The following CYP4A11 variants were observed in gnomAD, a reference collection of about 807,000 sequenced individuals.
The protein encoded by CYP4A11 is cytochrome P450 family 4 subfamily A member 11.
In CYP4A11, 52 loss-of-function variants were observed where a neutral mutation model predicts 57.7. The ratio of observed to expected loss-of-function variants is 0.90; its 90% CI spans 0.72 to 1.14. CYP4A11 has a LOEUF of 1.14. CYP4A11 is among the 50% of genes most tolerant of loss of function. The pLI is 0.00. For missense variants in CYP4A11, 641 were observed against 642.1 expected, an observed-to-expected ratio of 1.00 and a Z score of 0.02; for synonymous variants, 228 against 247.1, an observed-to-expected ratio of 0.92 and a Z score of 0.72.
In CYP4A11 at chr1:46,930,271, C is replaced by T; in HGVS notation, c.1404G>A (p.Lys468=). The T allele has an allele frequency of 1.2e-6, 2 of 1,613,788 alleles. No homozygotes were observed. Among genetic ancestry groups the T allele is most frequent in the Non-Finnish European group, 1.7e-6 (2 of 1,179,846 alleles). The change falls in exon 12 of 12, where the codon AAG becomes AAA. Residue 468 remains lysine, a synonymous_variant. Coordinates refer to ENST00000310638, the MANE Select transcript of CYP4A11 (RefSeq NM_000778.4). ...IGKQFAMNEL[K]VATALTLLRF... The stretch of plus-strand genomic sequence containing the variant: ...GGAGCAGGGTCAGGGCCGTGGCCAC[C>T]TTCAGCTCGTTCATGGCAAATTGTT...
In CYP4A11 at chr1:46,930,111, G is replaced by T. The variant is rs1680921009; in HGVS notation, c.*4C>A. ...CAGGAAGACAGGACGGCAGGTGGAG[G>T]CCCTCAAAGCTGGTCCTTGTCTTCA... is the stretch of plus-strand genomic sequence containing the variant. On this transcript the variant is annotated 3_prime_UTR_variant, in exon 12 of 12. Transcript: ENST00000310638. 6.2e-7 allele frequency: 1 copy of T among 1,604,808 alleles called. No individual in the cohort carries two copies. Among genetic ancestry groups the T allele is most frequent in the Non-Finnish European group, 8.5e-7 (1 of 1,174,012 alleles).
intron 11 of CYP4A11, chr1:46,931,513 A>G (rs2148451432): frequency 1.2e-6 from 1 of 827,822 alleles, no homozygotes; most frequent in Non-Finnish European, 1.5e-6. Context: ...AGCTTAAGAA[A>G]TACTTCTATA....
At chr1:46,937,730 G>A (rs1307183156) in intron 2 of CYP4A11, among the ~76,000 whole-genome samples, 5 of 152,080 alleles carry the variant, frequency 3.3e-5, no homozygotes, top group Admixed American at 1.3e-4. Context: ...ACAGATCTGG[G>A]ACAATTTACA....
In CYP4A11 at chr1:46,938,038, G is replaced by A. The variant is rs1369984550; in HGVS notation, c.295C>T (p.Leu99Phe). ...WLWGGKVRVQ[L>F]YDPDYMKVIL... Reference sequence around the variant, plus strand: ...ACCTTCATATAGTCAGGGTCATAGAGCTGGACACGAACTTTGCCTCCCCAT... The same window carrying A: ...ACCTTCATATAGTCAGGGTCATAGAACTGGACACGAACTTTGCCTCCCCAT... The change falls in exon 2 of 12, where the codon CTC (leucine) becomes TTC (phenylalanine). Residue 99 changes from leucine to phenylalanine, a missense_variant. Coordinates refer to ENST00000310638, the MANE Select transcript of CYP4A11 (RefSeq NM_000778.4). 6.2e-7 allele frequency: 1 copy of A among 1,614,184 alleles called. No individual in the cohort carries two copies. The highest frequency in any genetic ancestry group is 1.3e-5 in the African/African-American group (1 of 75,034).
chr1:46,931,694 C>G, intron 11 of CYP4A11: 7 of 671,282 alleles, frequency 1.0e-5, no homozygotes, highest in Non-Finnish European at 1.3e-5. Flanking sequence ...GATAGACAGA[C>G]CAGTGCTGGA....
At chr1:46,930,620 G>A (rs1321854927) in intron 11 of CYP4A11, among the ~76,000 whole-genome samples, 1 of 152,128 alleles carries the variant, frequency 6.6e-6, no homozygotes, top group Non-Finnish European at 1.5e-5. Context: ...CACATGAATA[G>A]ATAAAGAGTT....
intron 9 of CYP4A11, 133 bp downstream of exon 9, chr1:46,933,813 A>C (rs1375809700): frequency 1.4e-5 from 20 of 1,399,838 alleles, no homozygotes; most frequent in South Asian, 4.5e-5. Flanking sequence ...TCCCAAGTAC[A>C]AAGTATGTTT....
At chr1:46,940,763 A>G (rs966074140) in intron 1 of CYP4A11, 2 of 985,208 alleles carry the variant, frequency 2.0e-6, no homozygotes, top group African/African-American at 3.5e-5. Context: ...CTGCAGTCTG[A>G]CACCTTCTCA....
rs555847478 is a variant in CYP4A11 at position 46,934,244 on chromosome 1, G to A, written c.1020C>T (p.His340=). The A allele has an allele frequency of 1.9e-6, 3 of 1,613,676 alleles. No homozygotes were observed. Among genetic ancestry groups the A allele is most frequent in the African/African-American group, 1.3e-5 (1 of 74,946 alleles). The change falls in exon 8 of 12, where the codon CAC becomes CAT. Residue 340 remains histidine (H), a synonymous_variant. Transcript: ENST00000310638. ...CCCGGCACCTCTCCTGATGCTTGGGGTGTGTGGCCAGAGCATAGAGGATCC... is the reference window on the plus strand; with the variant it reads ...CCCGGCACCTCTCCTGATGCTTGGGATGTGTGGCCAGAGCATAGAGGATCC... ...ISWILYALAT[H]PKHQERCREE... is the part of the protein sequence containing the mutation.
At position 46,935,054 on chromosome 1, in the gene CYP4A11, T is replaced by G. The variant is rs779145316; in HGVS notation, c.736A>C (p.Thr246Pro). The G allele has an allele frequency of 6.2e-7, 1 of 1,613,790 alleles. No homozygotes were observed. Among genetic ancestry groups the G allele is most frequent in the East Asian group, 2.2e-5 (1 of 44,832 alleles). The change falls in exon 6 of 12, where the codon ACC becomes CCC. Residue 246 changes from threonine (T) to proline (P), a missense_variant. Thr to Pro is a conservative substitution (Grantham distance 38, BLOSUM62 -1). Coordinates refer to ENST00000310638, the MANE Select transcript of CYP4A11 (RefSeq NM_000778.4). ...CGGTGTGTCCAGCGGCCAGCAGAGG[T>G]CAGGCTGTAGATGGTGTCATTCTGG... The part of the protein sequence containing the change: ...FHQNDTIYSL[T>P]SAGRWTHRAC...
intron 4 of CYP4A11, 46 bp from the exon 5 acceptor site, chr1:46,935,693 T>C (rs1284021562): frequency 5.7e-6 from 9 of 1,587,520 alleles, no homozygotes; most frequent in East Asian, 2.2e-5. Flanking sequence ...CAAGAAGTGC[T>C]TTGCTAATAA....
At chr1:46,930,583 C>T (rs1405372596) in intron 11 of CYP4A11, among the ~76,000 whole-genome samples, 1 of 152,192 alleles carries the variant, frequency 6.6e-6, no homozygotes, top group Non-Finnish European at 1.5e-5. Context: ...CAAGACAAGG[C>T]CAGGGCTCTA....
chr1:46,932,938 G>A (rs2148453814), intron 10 of CYP4A11, 45 bp downstream of exon 10: 2 of 1,614,116 alleles, frequency 1.2e-6, no homozygotes, highest in Non-Finnish European at 1.7e-6. Flanking sequence ...AGAAGGTATT[G>A]GTCTTGAGGG....
chr1:46,931,241 T>A (rs1211690062), intron 11 of CYP4A11, among the ~76,000 whole-genome samples: 17 of 152,270 alleles, frequency 1.1e-4, no homozygotes, highest in Non-Finnish European at 2.4e-4. Flanking sequence ...CCCAGCTGCC[T>A]CTCACTCCCT....
intron 1 of CYP4A11, among the ~76,000 whole-genome samples, chr1:46,939,348 C>T (rs1681611142): frequency 6.6e-6 from 1 of 152,052 alleles, no homozygotes; most frequent in African/African-American, 2.4e-5. Context: ...CAGCTGTGGT[C>T]CTTATCTGTG....
chr1:46,937,378 T>C lies in CYP4A11; in HGVS notation c.338-32A>G, dbSNP rs369317932. 73 of 1,608,752 alleles carry C rather than the reference T, an allele frequency of 4.5e-5. No homozygotes were observed. The African/African-American group carries it at 9.4e-4, about 21-fold the overall frequency. ...GGCAAGAAAGGGCTTTATAGGAAACTAGGAGTTACTAAGAAGGCAGTCTTA... is the reference window on the plus strand; with the variant it reads ...GGCAAGAAAGGGCTTTATAGGAAACCAGGAGTTACTAAGAAGGCAGTCTTA... On this transcript the variant is annotated intron_variant, in intron 2 of 11. Transcript: ENST00000310638.
rs1681214350 is a variant in CYP4A11, at chr1:46,934,094, T to C, written c.1089-15A>G. ...CCAGGTGGTTCCTGAAACAATTCCA[T>C]CCTGAACACCAGCAAGGCCTGGGCA... On this transcript the variant is annotated splice_polypyrimidine_tract_variant and intron_variant, in intron 8 of 11. Transcript: ENST00000310638. 6.2e-7 allele frequency: 1 copy of C among 1,611,900 alleles called. No individual in the cohort carries two copies. Among genetic ancestry groups the C allele is most frequent in the African/African-American group, 1.3e-5 (1 of 74,666 alleles).
chr1:46,939,755 G>A (rs9332994), intron 1 of CYP4A11, among the ~76,000 whole-genome samples: 8,474 of 127,518 alleles, frequency 0.066, 402 homozygotes, highest in South Asian at 0.12. Flanking sequence ...TGCGTGAGAA[G>A]ATAATTCCAG....
chr1:46,932,392 A>G (rs1307133465), intron 11 of CYP4A11: 35 of 1,124,700 alleles, frequency 3.1e-5, no homozygotes, highest in Non-Finnish European at 3.7e-5. Flanking sequence ...ACAGTTTACT[A>G]TTCCTGACAA....
Sources: gnomAD v4.1 joint callset for allele counts (sites outside exome capture counted in the v4.1 genomes callset) on GRCh38, gnomAD v4.1.1 for gene constraint, MANE v1.5 for transcripts, NCBI Gene and HGNC (gene_info 2026-07-23, HGNC 2026-07-21) for gene names.